Variants in DCP1B observed in about 807,000 individuals in gnomAD.
DCP1B encodes the protein decapping mRNA 1B.
In DCP1B, 47 loss-of-function variants were observed where a neutral mutation model predicts 60.5. The ratio of observed to expected loss-of-function variants is 0.78; its 90% CI spans 0.61 to 0.99. The LOEUF (loss-of-function observed/expected upper bound fraction) is 0.99. DCP1B is among the 50% of genes least tolerant of loss of function. The pLI, the probability that DCP1B is intolerant of heterozygous loss-of-function variation, is 0.00. For synonymous variants in DCP1B, 267 were observed against 280.3 expected, an observed-to-expected ratio of 0.95 and a Z score of 0.47; for missense variants, 725 against 756.8, an observed-to-expected ratio of 0.96 and a Z score of 0.49.
chr12:1,951,327 A>G (rs909012313), intron 7 of DCP1B, among the ~76,000 whole-genome samples: 1 of 152,208 alleles, frequency 6.6e-6, no homozygotes, highest in Non-Finnish European at 1.5e-5. Flanking sequence ...CAGTGATGAT[A>G]TATGTGATAC....
At chr12:1,959,515 T>G (rs1250073808) in intron 5 of DCP1B, among the ~76,000 whole-genome samples, 3 of 152,120 alleles carry the variant, frequency 2.0e-5, no homozygotes, top group African/African-American at 7.2e-5. Flanking sequence ...ATCAGGGAAA[T>G]GCAAATTAAA....
At chr12:1,966,962 A>ATT (rs2031316769) in intron 4 of DCP1B, among the ~76,000 whole-genome samples, 4 of 152,162 alleles carry the variant, frequency 2.6e-5, no homozygotes, top group Non-Finnish European at 5.9e-5. Flanking sequence ...ACAGTGTCAT[A>ATT]CCCATGTGGC....
chr12:1,963,375 C>T (rs1251427244), intron 5 of DCP1B, among the ~76,000 whole-genome samples: 1 of 152,186 alleles, frequency 6.6e-6, no homozygotes, highest in East Asian at 1.9e-4. Flanking sequence ...CCTCATTGAC[C>T]AGGGCTGTTT....
chr12:1,957,996 TC>T (rs1359158257), intron 5 of DCP1B, among the ~76,000 whole-genome samples: 20 of 144,370 alleles, frequency 1.4e-4, no homozygotes, highest in South Asian at 2.2e-4. Flanking sequence ...GGGGAAAAGC[TC>T]CCCAACGTCG....
intron 3 of DCP1B, among the ~76,000 whole-genome samples, chr12:1,986,744 C>G (rs1398239062): frequency 6.6e-6 from 1 of 152,056 alleles, no homozygotes; most frequent in Non-Finnish European, 1.5e-5. Flanking sequence ...AAGAATAAAG[C>G]CAGGAACTCA....
chr12:1,982,913 TG>T (rs547364168), intron 3 of DCP1B, among the ~76,000 whole-genome samples: 38 of 152,238 alleles, frequency 2.5e-4, no homozygotes, highest in Admixed American at 1.8e-3. Context: ...TATCTGAACT[TG>T]GAGTTTTGTT....
chr12:1,994,085 C>T (rs1457960948), intron 2 of DCP1B, among the ~76,000 whole-genome samples: 1 of 152,154 alleles, frequency 6.6e-6, no homozygotes, highest in Admixed American at 6.5e-5. Context: ...CTCAATAAAC[C>T]TTGAATGCCT....
chr12:1,965,516 A>G, intron 5 of DCP1B, 42 bp downstream of exon 5: 2 of 1,566,026 alleles, frequency 1.3e-6, no homozygotes, highest in Non-Finnish European at 1.7e-6. Context: ...CCCACTGCGG[A>G]ACTGAAGTGT....
At position 2,001,696 on chromosome 12, in the gene DCP1B, G is replaced by C. The variant is rs183017543; in HGVS notation, c.150+2586C>G. On this transcript the variant is annotated intron_variant, in intron 1 of 8. Coordinates refer to ENST00000280665, the MANE Select transcript of DCP1B (RefSeq NM_152640.5). ...TGGGTCTCATTATCCAGAGGTTTTA[G>C]TTTGGCATTTTTCACTTTTAAAAAA... is the stretch of plus-strand genomic sequence containing the variant. Among the ~76,000 whole-genome samples, 4 of 152,270 alleles carry C rather than the reference G, an allele frequency of 2.6e-5. No homozygotes were observed. The East Asian group carries it at 7.7e-4, about 29-fold the overall frequency.
At chr12:1,957,186 G>A (rs117911670) in intron 5 of DCP1B, among the ~76,000 whole-genome samples, 4,141 of 152,216 alleles carry the variant, frequency 0.027, 93 homozygotes, top group Middle Eastern at 0.054. Flanking sequence ...ATCCTGGGGG[G>A]AAAAACAGTT....
chr12:1,969,572 G>A lies in DCP1B; in HGVS notation c.320-1662C>T, dbSNP rs542684340. 4.6e-5 allele frequency among the ~76,000 whole-genome samples: 6 copies of A among 129,810 alleles called. No individual in the cohort carries two copies. The East Asian group carries it at 1.1e-3, about 24-fold the overall frequency. The allele number at this position is 129,810 out of a possible 152,430, so 85.2% of individuals were successfully genotyped here. A position where few individuals can be genotyped will look rare whatever the true frequency, so the allele number is the denominator to read the frequency against. Reference sequence around the variant, plus strand: ...TTTTTTTTTTTTTTTTTTTAAGAACGTCTGAGTTCTGAAGCCCATGTGCTA... The same window carrying A: ...TTTTTTTTTTTTTTTTTTTAAGAACATCTGAGTTCTGAAGCCCATGTGCTA... On this transcript the variant is annotated intron_variant, in intron 3 of 8. Coordinates refer to ENST00000280665, the MANE Select transcript of DCP1B (RefSeq NM_152640.5).
At chr12:1,992,980 C>A in intron 3 of DCP1B, 1 of 610,182 alleles carries the variant, frequency 1.6e-6, no homozygotes, top group South Asian at 2.0e-5. Context: ...CCCAGCCCTG[C>A]TCAGGCTTAA....
At chr12:1,967,068 T>A (rs1250261472) in intron 4 of DCP1B, among the ~76,000 whole-genome samples, 1 of 152,126 alleles carries the variant, frequency 6.6e-6, no homozygotes, top group African/African-American at 2.4e-5. Flanking sequence ...CCCATCCCCA[T>A]AAATGGCAGG....
At chr12:1,969,645 A>T (rs2031737369) in intron 3 of DCP1B, among the ~76,000 whole-genome samples, 1 of 151,040 alleles carries the variant, frequency 6.6e-6, no homozygotes, top group African/African-American at 2.4e-5. Context: ...AAGATCATTG[A>T]ATGTGTATCT....
chr12:1,946,363 G>T, intron 8 of DCP1B, 77 bp from the exon 9 acceptor site: 1 of 1,158,550 alleles, frequency 8.6e-7, no homozygotes, highest in Non-Finnish European at 1.2e-6. Context: ...TCTTAGAGCT[G>T]AACTGGCCTT....
intron 6 of DCP1B, among the ~76,000 whole-genome samples, chr12:1,954,790 A>G (rs1359797288): frequency 6.6e-6 from 1 of 152,198 alleles, no homozygotes; most frequent in Non-Finnish European, 1.5e-5. Flanking sequence ...CACCCACCCC[A>G]GAAGAATATG....
intron 5 of DCP1B, among the ~76,000 whole-genome samples, chr12:1,955,972 G>A (rs1195847377): frequency 1.3e-5 from 2 of 152,182 alleles, no homozygotes; most frequent in East Asian, 3.8e-4. Flanking sequence ...AAATTGGAGA[G>A]TAGTTGAGTA....
intron 1 of DCP1B, among the ~76,000 whole-genome samples, chr12:2,000,795 G>T (rs1040581538): frequency 1.3e-5 from 2 of 152,200 alleles, no homozygotes; most frequent in African/African-American, 4.8e-5. Context: ...CCAGCACTTT[G>T]GGAGGCCGAG....
intron 1 of DCP1B, among the ~76,000 whole-genome samples, chr12:1,999,627 G>A (rs1414057081): frequency 1.3e-5 from 2 of 152,156 alleles, no homozygotes; most frequent in Non-Finnish European, 2.9e-5. Flanking sequence ...TCAGGAGGCT[G>A]AGGAGGGAGG....
Sources: allele counts gnomAD v4.1 joint callset (sites outside exome capture counted in the v4.1 genomes callset), GRCh38; gene constraint gnomAD v4.1.1; transcripts MANE v1.5; gene names NCBI Gene and HGNC (gene_info 2026-07-23, HGNC 2026-07-21).